Variants in UPF1 observed in about 807,000 individuals in gnomAD.
The protein encoded by UPF1 is UPF1 RNA helicase and ATPase.
A neutral mutation model predicts 129.2 loss-of-function variants in UPF1; 9 were observed. That is an observed-to-expected ratio of 0.07 (90% CI 0.04 to 0.12). UPF1 has a LOEUF of 0.12. Ranked by LOEUF, UPF1 falls within the 10% of genes least tolerant of loss-of-function variation. The probability of loss-of-function intolerance (pLI) is 1.00; values close to 1 mark genes in which losing one functional copy is unlikely to be tolerated. For missense variants in UPF1, 788 were observed against 1,525.3 expected, an observed-to-expected ratio of 0.52 and a Z score of 8.05; for synonymous variants, 649 against 644.9, an observed-to-expected ratio of 1.01 and a Z score of -0.10.
Position 18,860,316 on chromosome 19 carries a change from C to T in UPF1, c.2183-5C>T. ...GAAGTGTTACTTCTTTCCCTCCCCT[C>T]ACAGCGGATCGTGTGAAGAAGGGAT... is the stretch of plus-strand genomic sequence containing the variant. On this transcript the variant is annotated splice_polypyrimidine_tract_variant and splice_region_variant and intron_variant, in intron 15 of 23. Transcript: ENST00000262803. 6.2e-7 allele frequency: 1 copy of T among 1,613,940 alleles called. No homozygotes were observed. The highest frequency in any genetic ancestry group is 8.5e-7 in the Non-Finnish European group (1 of 1,179,842).
intron 1 of UPF1, among the ~76,000 whole-genome samples, chr19:18,838,860 A>G (rs1461791203): frequency 6.6e-6 from 1 of 152,222 alleles, no homozygotes; most frequent in Non-Finnish European, 1.5e-5. Flanking sequence ...AAGTGACCTG[A>G]GCTGACACTT....
At chr19:18,861,056 C>G in intron 17 of UPF1, 74 bp downstream of exon 17, 1 of 1,483,942 alleles carries the variant, frequency 6.7e-7, no homozygotes, top group Admixed American at 2.1e-5. Context: ...TTAAGTTACC[C>G]CCCAAGAGGG....
At chr19:18,863,230 C>A in intron 18 of UPF1, 1 of 592,742 alleles carries the variant, frequency 1.7e-6, no homozygotes, top group Admixed American at 2.8e-5. Context: ...TGCTTAGAGT[C>A]GGCCACAAAA....
At position 18,840,424 on chromosome 19, in the gene UPF1, G is replaced by A. The variant is rs979200048; in HGVS notation, c.232-5556G>A. Reference sequence around the variant, plus strand: ...CTCCGCTGGGGAGGCACCGTCCTGAGGGCCTTGTGAGAGGGAGAGGCCTCC... The same window carrying A: ...CTCCGCTGGGGAGGCACCGTCCTGAAGGCCTTGTGAGAGGGAGAGGCCTCC... On this transcript the variant is annotated intron_variant, in intron 1 of 23. Transcript: ENST00000262803. 2.6e-5 allele frequency among the ~76,000 whole-genome samples: 4 copies of A among 152,314 alleles called. No individual in the cohort carries two copies. The East Asian group carries it at 5.8e-4, about 22-fold the overall frequency.
chr19:18,858,137 T>A (rs1358333245), intron 15 of UPF1, among the ~76,000 whole-genome samples: 1 of 152,156 alleles, frequency 6.6e-6, no homozygotes, highest in Non-Finnish European at 1.5e-5. Context: ...TCGTGACACC[T>A]TTGGGTATGC....
rs1336616405 is a variant in UPF1 at position 18,851,671 on chromosome 19, C to T, written c.811-464C>T. On this transcript the variant is annotated intron_variant, in intron 5 of 23. Coordinates refer to ENST00000262803, the MANE Select transcript of UPF1 (RefSeq NM_002911.4). The surrounding 1 kb of genome is among the most constrained non-coding windows in gnomAD (Gnocchi z 4.2). ...CCATGTTGGTCTGGCTCAGGGTTAG[C>T]AGACGTGGGAGACAGGCCTCCCGGG... Among the ~76,000 whole-genome samples the T allele has an allele frequency of 2.0e-5, 3 of 152,236 alleles. No homozygotes were observed. Among genetic ancestry groups the T allele is most frequent in the Non-Finnish European group, 4.4e-5 (3 of 68,046 alleles).
At chr19:18,849,058 G>A (rs1192654277) in intron 3 of UPF1, 1 of 152,364 alleles carries the variant, frequency 6.6e-6, no homozygotes, top group Non-Finnish European at 1.5e-5. Flanking sequence ...TGGCCCTTAG[G>A]GATCTTGGCT....
In UPF1 at chr19:18,868,030, C is replaced by T. The variant is rs910142063; in HGVS notation, c.*1513C>T. 1.2e-4 allele frequency: 19 copies of T among 158,486 alleles called. No homozygotes were observed. Among genetic ancestry groups the T allele is most frequent in the Admixed American group, 4.3e-4 (7 of 16,422 alleles). The allele number at this position is 158,486 out of a possible 1,614,324, so 9.8% of individuals were successfully genotyped here. On this transcript the variant is annotated 3_prime_UTR_variant, in exon 24 of 24. Transcript: ENST00000262803. Reference sequence around the variant, plus strand: ...GTAGGTTTCCGCGGTGACCCCGCGGCGGCCTGAGGGACGCTCCCTGCCCCA... The same window carrying T: ...GTAGGTTTCCGCGGTGACCCCGCGGTGGCCTGAGGGACGCTCCCTGCCCCA...
chr19:18,843,819 C>G (rs528717107), intron 1 of UPF1, among the ~76,000 whole-genome samples: 7 of 152,042 alleles, frequency 4.6e-5, no homozygotes, highest in African/African-American at 1.7e-4. Context: ...CATCATAGCT[C>G]ACAGCGGCCT....
intron 9 of UPF1, 81 bp downstream of exon 9, chr19:18,854,790 G>C: frequency 1.2e-6 from 2 of 1,606,442 alleles, no homozygotes; most frequent in Admixed American, 3.4e-5. Context: ...TCACTGTGGA[G>C]TGGGGTTCCC....
chr19:18,844,184 T>TA (rs1405515298), intron 1 of UPF1, among the ~76,000 whole-genome samples: 1 of 150,974 alleles, frequency 6.6e-6, no homozygotes, highest in Admixed American at 6.7e-5. Context: ...CTAAAGGAGT[T>TA]AGAGACTCCA....
chr19:18,851,992 C>A lies in UPF1; in HGVS notation c.811-143C>A. ...AGGGTTCTCCTTGCAGGTGGGGCTG[C>A]GCCAGAACCCCTCCATGCCACCCAC... On this transcript the variant is annotated intron_variant, in intron 5 of 23. Coordinates refer to ENST00000262803, the MANE Select transcript of UPF1 (RefSeq NM_002911.4). This position sits in a 1 kb window ranked among gnomAD's most constrained non-coding sequence, Gnocchi z 4.2. 1.6e-6 allele frequency: 2 copies of A among 1,231,490 alleles called. No individual in the cohort carries two copies. Among genetic ancestry groups the A allele is most frequent in the Non-Finnish European group, 2.2e-6 (2 of 925,882 alleles). 76.3% of individuals were successfully genotyped at this position (1,231,490 alleles called of 1,614,324 possible).
intron 1 of UPF1, among the ~76,000 whole-genome samples, chr19:18,844,788 G>A (rs58103173): frequency 0.012 from 1,842 of 152,342 alleles, 35 homozygotes; most frequent in African/African-American, 0.041. Flanking sequence ...GCCAGGCACT[G>A]TCCCCTACTG....
intron 15 of UPF1, chr19:18,860,100 C>G: frequency 1.7e-6 from 1 of 582,178 alleles, no homozygotes. Context: ...CAGCTCTGTG[C>G]TGGCCATGGT....
chr19:18,845,941 G>C, intron 1 of UPF1, 39 bp from the exon 2 acceptor site: 2 of 1,609,496 alleles, frequency 1.2e-6, no homozygotes, highest in Non-Finnish European at 1.7e-6. Context: ...AGTCCTGGAA[G>C]CTGCAGCCTC....
intron 1 of UPF1, among the ~76,000 whole-genome samples, chr19:18,839,593 G>A (rs1601096023): frequency 1.3e-5 from 2 of 152,330 alleles, no homozygotes; most frequent in East Asian, 1.9e-4. Flanking sequence ...CTGCCCTGGG[G>A]AGGTCAGAAA....
Position 18,865,026 on chromosome 19 carries a change from C to T in UPF1, c.2858-263C>T, listed in dbSNP as rs545536442. The stretch of plus-strand genomic sequence containing the variant: ...CTGGGATTATAGGCTTGAGCCAACA[C>T]GCCCGGCCCCAATTTTCAGTTTTTA... On this transcript the variant is annotated intron_variant, in intron 20 of 23. Coordinates refer to ENST00000262803, the MANE Select transcript of UPF1 (RefSeq NM_002911.4). This position sits in a 1 kb window ranked among gnomAD's most constrained non-coding sequence, Gnocchi z 6.1. Among the ~76,000 whole-genome samples, 23 of 152,318 alleles carry T rather than the reference C, an allele frequency of 1.5e-4. No individual in the cohort carries two copies. The highest frequency in any genetic ancestry group is 2.4e-4 in the Non-Finnish European group (16 of 68,020).
intron 20 of UPF1, 131 bp downstream of exon 20, chr19:18,864,382 T>TC: frequency 1.4e-6 from 1 of 730,580 alleles, no homozygotes; most frequent in Non-Finnish European, 2.2e-6. Context: ...TCCCTTGGCC[T>TC]CCCCGCCCCT....
At chr19:18,849,207 A>G (rs1418107368) in intron 3 of UPF1, 1 of 152,422 alleles carries the variant, frequency 6.6e-6, no homozygotes, top group Non-Finnish European at 1.5e-5. Flanking sequence ...GCCTCGTGGC[A>G]GGGAGAAGGG....
Sources: allele counts gnomAD v4.1 joint callset (sites outside exome capture counted in the v4.1 genomes callset), GRCh38; gene constraint gnomAD v4.1.1; non-coding constraint Gnocchi (gnomAD v3.1); transcripts MANE v1.5; gene names NCBI Gene and HGNC (gene_info 2026-07-23, HGNC 2026-07-21).